ST3GAL2: variants seen among roughly 807,000 people sequenced by gnomAD.
ST3GAL2 encodes CMP-N-acetylneuraminate-beta-galactosamide-alpha-2,3-sialyltransferase 2.
A neutral mutation model predicts 37.5 loss-of-function variants in ST3GAL2; 16 were observed. That is an observed-to-expected ratio of 0.43 (90% CI 0.29 to 0.65). ST3GAL2 has a LOEUF of 0.65. ST3GAL2 is among the 30% of genes least tolerant of loss of function. The pLI, the probability that ST3GAL2 is intolerant of heterozygous loss-of-function variation, is 0.17. For synonymous variants in ST3GAL2, 238 were observed against 202.9 expected, an observed-to-expected ratio of 1.17 and a Z score of -1.47; for missense variants, 383 against 487.8, an observed-to-expected ratio of 0.79 and a Z score of 2.02.
At chr16:70,411,169 G>C (rs2047635722) in intron 1 of ST3GAL2, among the ~76,000 whole-genome samples, 2 of 152,142 alleles carry the variant, frequency 1.3e-5, no homozygotes, top group South Asian at 4.1e-4. Flanking sequence ...CAGATCACCT[G>C]AGGTCAGGAG....
At chr16:70,401,305 C>G (rs1045426457) in intron 1 of ST3GAL2, among the ~76,000 whole-genome samples, 16 of 152,176 alleles carry the variant, frequency 1.1e-4, no homozygotes, top group African/African-American at 3.6e-4. Context: ...GATTCTAGAT[C>G]AACGCAGGGG....
At chr16:70,416,595 GA>G (rs2047678220) in intron 1 of ST3GAL2, among the ~76,000 whole-genome samples, 2 of 152,120 alleles carry the variant, frequency 1.3e-5, no homozygotes, top group Admixed American at 1.3e-4. Flanking sequence ...AAAATCAAAA[GA>G]AATGATGGTT....
At chr16:70,394,884 T>G in intron 3 of ST3GAL2, 98 bp downstream of exon 3, 1 of 1,389,150 alleles carries the variant, frequency 7.2e-7, no homozygotes, top group Non-Finnish European at 9.8e-7. Context: ...AGCACACCGG[T>G]AGCTGGCAGC....
intron 1 of ST3GAL2, among the ~76,000 whole-genome samples, chr16:70,408,095 C>A (rs139148021): frequency 6.6e-6 from 1 of 152,134 alleles, no homozygotes. Flanking sequence ...TGGACCGATG[C>A]TTTATGAACC....
At chr16:70,433,949 T>C (rs2047807555) in intron 1 of ST3GAL2, among the ~76,000 whole-genome samples, 1 of 152,226 alleles carries the variant, frequency 6.6e-6, no homozygotes. Flanking sequence ...CCACAGGCAC[T>C]GCTTGGAAAC....
chr16:70,429,273 C>G (rs2047771850), intron 1 of ST3GAL2, among the ~76,000 whole-genome samples: 1 of 152,162 alleles, frequency 6.6e-6, no homozygotes, highest in Non-Finnish European at 1.5e-5. Context: ...GGGCTTCTGT[C>G]AATCAGGTTG....
chr16:70,416,869 G>A (rs987222321), intron 1 of ST3GAL2, among the ~76,000 whole-genome samples: 2 of 152,060 alleles, frequency 1.3e-5, no homozygotes, highest in African/African-American at 4.8e-5. Flanking sequence ...TACTCTTAAG[G>A]GCCCAGCAAC....
rs376646546 is a variant in ST3GAL2 at position 70,394,975 on chromosome 16, G to A, written c.533+7C>T. The A allele has an allele frequency of 5.1e-5, 83 of 1,611,766 alleles. No individual in the cohort carries two copies. The African/African-American group carries it at 8.5e-4, about 17-fold the overall frequency. ...TGAGCCCACCCTTGGGCTCCACAGGGGCTCACCTCATGATGAAGTTGTGCC... is the reference window on the plus strand; with the variant it reads ...TGAGCCCACCCTTGGGCTCCACAGGAGCTCACCTCATGATGAAGTTGTGCC... On this transcript the variant is annotated splice_region_variant and intron_variant, in intron 3 of 6. Coordinates refer to ENST00000342907, the MANE Select transcript of ST3GAL2 (RefSeq NM_006927.4).
intron 3 of ST3GAL2, among the ~76,000 whole-genome samples, chr16:70,389,622 G>A (rs941364159): frequency 3.3e-5 from 5 of 151,940 alleles, no homozygotes; most frequent in African/African-American, 4.8e-5. Flanking sequence ...TAGCCGCTAC[G>A]TCCAGCTAAT....
chr16:70,422,236 C>T (rs112523097), intron 1 of ST3GAL2, among the ~76,000 whole-genome samples: 9 of 152,316 alleles, frequency 5.9e-5, no homozygotes, highest in South Asian at 4.1e-4. Flanking sequence ...ACTGACCTCA[C>T]GCACTCCCTG....
chr16:70,399,185 G>A lies in ST3GAL2; in HGVS notation c.-655C>T, dbSNP rs1338456094. ...CGCTGCAGAGATCGAGATCCTTTCC[G>A]CAGTAGGTCTTGCCCTTCTGCTTCC... On this transcript the variant is annotated 5_prime_UTR_variant, in exon 2 of 7. Transcript: ENST00000342907. 2.8e-5 allele frequency: 11 copies of A among 398,784 alleles called. No individual in the cohort carries two copies. The highest frequency in any genetic ancestry group is 7.1e-5 in the East Asian group (2 of 28,090). 24.7% of individuals were successfully genotyped at this position (398,784 alleles called of 1,614,324 possible).
intron 1 of ST3GAL2, among the ~76,000 whole-genome samples, chr16:70,427,570 C>T (rs1047031676): frequency 2.0e-5 from 3 of 152,012 alleles, no homozygotes; most frequent in Admixed American, 1.3e-4. Flanking sequence ...ATCTCCTGAC[C>T]TCGTGATCCG....
chr16:70,427,275 C>T (rs2047757914), intron 1 of ST3GAL2, among the ~76,000 whole-genome samples: 2 of 151,910 alleles, frequency 1.3e-5, no homozygotes, highest in African/African-American at 4.8e-5. Flanking sequence ...ATCTCAAACT[C>T]AACTTGCCCC....
chr16:70,380,231 G>C lies in ST3GAL2; in HGVS notation c.*1458C>G, dbSNP rs1028818125. 1 of 152,150 alleles carries C rather than the reference G, an allele frequency of 6.6e-6. No homozygotes were observed. The highest frequency in any genetic ancestry group is 1.5e-5 in the Non-Finnish European group (1 of 68,042). 9.4% of individuals were successfully genotyped at this position (152,150 alleles called of 1,614,324 possible). On this transcript the variant is annotated 3_prime_UTR_variant, in exon 7 of 7. Coordinates refer to ENST00000342907, the MANE Select transcript of ST3GAL2 (RefSeq NM_006927.4). ...TAGGTTCCAATATATTAACTTTCAGGGGCCCACTGCCCATCCCAACCCTCC... is the reference window on the plus strand; with the variant it reads ...TAGGTTCCAATATATTAACTTTCAGCGGCCCACTGCCCATCCCAACCCTCC...
At chr16:70,428,312 G>A (rs1268758934) in intron 1 of ST3GAL2, among the ~76,000 whole-genome samples, 2 of 152,220 alleles carry the variant, frequency 1.3e-5, no homozygotes, top group African/African-American at 2.4e-5. Flanking sequence ...GTGACAGAGC[G>A]GCAGCAGCAC....
At chr16:70,406,796 A>T (rs1426032815) in intron 1 of ST3GAL2, among the ~76,000 whole-genome samples, 2 of 151,894 alleles carry the variant, frequency 1.3e-5, no homozygotes, top group African/African-American at 4.8e-5. Flanking sequence ...AAAAAAAGGA[A>T]TGGGATGTAA....
chr16:70,413,670 A>C (rs2047655231), intron 1 of ST3GAL2, among the ~76,000 whole-genome samples: 1 of 150,592 alleles, frequency 6.6e-6, no homozygotes, highest in Non-Finnish European at 1.5e-5. Flanking sequence ...CAGGAAGCGG[A>C]GGTTGCAGTG....
rs59060353 is a variant in ST3GAL2 at position 70,408,890 on chromosome 16, C to CAAAAAAAAAAAAAAAAAAAAAAAAAAA, written c.-1003-9384_-1003-9358dup. Among the ~76,000 whole-genome samples, 25 of 59,866 alleles carry CAAAAAAAAAAAAAAAAAAAAAAAAAAA rather than the reference C, an allele frequency of 4.2e-4. 4 individuals are homozygous for CAAAAAAAAAAAAAAAAAAAAAAAAAAA. The highest frequency in any genetic ancestry group is 5.2e-4 in the African/African-American group (10 of 19,304). 39.3% of individuals were successfully genotyped at this position (59,866 alleles called of 152,430 possible). ...TCCTGTAGGAGACAGCTCAAAGAAACAAAAAAAAAAAAAAAAAAAAAAAAA... is the reference window on the plus strand; with the variant it reads ...TCCTGTAGGAGACAGCTCAAAGAAACAAAAAAAAAAAAAAAAAAAAAAAAAAAAAAAAAAAAAAAAAAAAAAAAAAAA... On this transcript the variant is annotated intron_variant, in intron 1 of 6. Coordinates refer to ENST00000342907, the MANE Select transcript of ST3GAL2 (RefSeq NM_006927.4).
In ST3GAL2 at chr16:70,420,474, TCTGGAG is replaced by T. The variant is rs1364489534; in HGVS notation, c.-1004+18469_-1004+18474del. Reference sequence around the variant, plus strand: ...ATCTGACTGCAGGGTGGTCAAGTAGTCTGGAGAGGATTCCTGGTGGCATGGGTCCTA... The same window carrying T: ...ATCTGACTGCAGGGTGGTCAAGTAGTAGGATTCCTGGTGGCATGGGTCCTA... On this transcript the variant is annotated intron_variant, in intron 1 of 6. Coordinates refer to ENST00000342907, the MANE Select transcript of ST3GAL2 (RefSeq NM_006927.4). Among the ~76,000 whole-genome samples the T allele has an allele frequency of 2.0e-5, 3 of 152,078 alleles. No individual in the cohort carries two copies. In the East Asian group the frequency reaches 5.8e-4, roughly 29 times the overall value.
Sources: allele counts gnomAD v4.1 joint callset (sites outside exome capture counted in the v4.1 genomes callset), GRCh38; gene constraint gnomAD v4.1.1; transcripts MANE v1.5; gene names NCBI Gene and HGNC (gene_info 2026-07-23, HGNC 2026-07-21).